The following SYT1 variants were observed in gnomAD, a reference collection of about 807,000 sequenced individuals.
The protein encoded by SYT1 is synaptotagmin 1.
A neutral mutation model predicts 44.8 loss-of-function variants in SYT1; 8 were observed. The observed-to-expected ratio is 0.18, with a 90% CI of 0.10 to 0.32. SYT1 has a LOEUF of 0.32. Ranked by LOEUF, SYT1 falls within the 10% of genes least tolerant of loss-of-function variation. The pLI is 1.00. For missense variants in SYT1, 286 were observed against 509.3 expected (o/e 0.56, Z 4.22); for synonymous variants, 154 against 188.8 (o/e 0.82, Z 1.51).
intron 3 of SYT1, among the ~76,000 whole-genome samples, chr12:79,061,607 G>A (rs1875393265): frequency 6.6e-6 from 1 of 152,116 alleles, no homozygotes; most frequent in South Asian, 2.1e-4. Flanking sequence ...GAATGGATGG[G>A]CATTTTTAAC....
At chr12:79,152,703 G>T (rs1870348385) in intron 3 of SYT1, among the ~76,000 whole-genome samples, 1 of 151,960 alleles carries the variant, frequency 6.6e-6, no homozygotes, top group African/African-American at 2.4e-5. Flanking sequence ...GAATATTAAT[G>T]GTTTAGAAGT....
intron 9 of SYT1, among the ~76,000 whole-genome samples, chr12:79,389,546 A>G (rs1884570891): frequency 6.6e-6 from 1 of 152,232 alleles, no homozygotes; most frequent in Non-Finnish European, 1.5e-5. Context: ...ATTATTTTAC[A>G]GAGGAGGAAA....
intron 1 of SYT1, among the ~76,000 whole-genome samples, chr12:78,920,635 G>C (rs1876931602): frequency 6.6e-6 from 1 of 151,792 alleles, no homozygotes; most frequent in Middle Eastern, 3.2e-3. Flanking sequence ...AATAGAAATA[G>C]CTCTTTAAAT....
chr12:79,092,981 T>C (rs1877881051), intron 3 of SYT1, among the ~76,000 whole-genome samples: 1 of 151,766 alleles, frequency 6.6e-6, no homozygotes, highest in African/African-American at 2.4e-5. Context: ...TATAAATTTC[T>C]AGAAATTTCA....
At chr12:79,421,915 G>A (rs1869146452) in intron 9 of SYT1, among the ~76,000 whole-genome samples, 1 of 151,812 alleles carries the variant, frequency 6.6e-6, no homozygotes, top group Non-Finnish European at 1.5e-5. Context: ...AAATTTCCTT[G>A]TGTGGTATTT....
intron 1 of SYT1, among the ~76,000 whole-genome samples, chr12:78,931,304 A>AGAGGG (rs1565723683): frequency 1.6e-5 from 1 of 63,062 alleles, no homozygotes; most frequent in Non-Finnish European, 3.2e-5. Flanking sequence ...GGAAGGAAGG[A>AGAGGG]AGGAGAGGGA....
chr12:79,291,187 T>C (rs1177899443), intron 5 of SYT1, among the ~76,000 whole-genome samples: 5 of 152,228 alleles, frequency 3.3e-5, no homozygotes, highest in Non-Finnish European at 7.3e-5. Context: ...AAGTTTTAGG[T>C]TATAAAGAGT....
In SYT1 at chr12:79,304,001, A is replaced by C. The variant is rs181337686; in HGVS notation, c.810+4450A>C. 5.3e-5 allele frequency among the ~76,000 whole-genome samples: 8 copies of C among 152,364 alleles called. No homozygotes were observed. The East Asian group carries it at 1.4e-3, about 26-fold the overall frequency. On this transcript the variant is annotated intron_variant, in intron 8 of 10. Transcript: ENST00000261205. Reference sequence around the variant, plus strand: ...GTTGGAATTTTAAACATGGATGCCAATAAGAACCTTCCTGGTCATTCATTC... The same window carrying C: ...GTTGGAATTTTAAACATGGATGCCACTAAGAACCTTCCTGGTCATTCATTC...
At chr12:79,113,048 A>G (rs1879098913) in intron 3 of SYT1, among the ~76,000 whole-genome samples, 1 of 152,168 alleles carries the variant, frequency 6.6e-6, no homozygotes, top group Non-Finnish European at 1.5e-5. Flanking sequence ...CTGAATGAAC[A>G]AGCCCAGATA....
intron 7 of SYT1, among the ~76,000 whole-genome samples, chr12:79,296,802 C>A (rs970875963): frequency 6.6e-6 from 1 of 152,110 alleles, no homozygotes; most frequent in Non-Finnish European, 1.5e-5. Context: ...CTTGTTGAGG[C>A]ACCTCAGTTG....
chr12:79,121,399 A>T (rs748448488), intron 3 of SYT1, among the ~76,000 whole-genome samples: 3 of 152,240 alleles, frequency 2.0e-5, no homozygotes, highest in Non-Finnish European at 4.4e-5. Context: ...TTCCTCTAAC[A>T]TCTTATGAAT....
intron 10 of SYT1, among the ~76,000 whole-genome samples, chr12:79,447,844 T>C (rs1870821792): frequency 6.6e-6 from 1 of 152,176 alleles, no homozygotes; most frequent in Non-Finnish European, 1.5e-5. Flanking sequence ...CTCATTTCAT[T>C]AATATAATAA....
intron 8 of SYT1, among the ~76,000 whole-genome samples, chr12:79,301,463 T>C (rs976406111): frequency 3.3e-5 from 5 of 152,166 alleles, no homozygotes; most frequent in African/African-American, 9.7e-5. Flanking sequence ...TCTAGGGGTT[T>C]AGGTAAACTG....
At chr12:78,946,444 C>A (rs1294306605) in intron 1 of SYT1, among the ~76,000 whole-genome samples, 1 of 152,090 alleles carries the variant, frequency 6.6e-6, no homozygotes, top group African/African-American at 2.4e-5. Flanking sequence ...CACTTGAGGT[C>A]AGGAGTTCAA....
At chr12:79,276,523 A>C (rs1487791526) in intron 4 of SYT1, among the ~76,000 whole-genome samples, 1 of 151,938 alleles carries the variant, frequency 6.6e-6, no homozygotes, top group Non-Finnish European at 1.5e-5. Context: ...TAAAAATACA[A>C]AAATTAGCTG....
chr12:79,296,217 A>G lies in SYT1; in HGVS notation c.623A>G (p.Asn208Ser), dbSNP rs1879867239. 2 of 1,612,250 alleles carry G rather than the reference A, an allele frequency of 1.2e-6. No homozygotes were observed. The highest frequency in any genetic ancestry group is 2.2e-5 in the East Asian group (1 of 44,864). The change falls in exon 7 of 11, where the codon AAT (asparagine) becomes AGT (serine). Residue 208 changes from asparagine to serine, a missense_variant. Around this residue, in one of 6 missense-constraint regions of SYT1, gnomAD observed 81 missense variants for 164.9 expected, o/e 0.49. Coordinates refer to ENST00000261205, the MANE Select transcript of SYT1 (RefSeq NM_005639.3). ...VHRKTLNPVF[N>S]EQFTFKVPYS... ...CGAAAAACCCTTAATCCTGTCTTCA[A>G]TGAGCAATTTACTTTCAAGGTATTT...
intron 9 of SYT1, among the ~76,000 whole-genome samples, chr12:79,358,835 A>C (rs190364225): frequency 6.6e-6 from 1 of 152,280 alleles, no homozygotes; most frequent in Admixed American, 6.5e-5. Context: ...ATTGTTGGAA[A>C]TGGAGGGATT....
chr12:79,015,929 T>A (rs1391121484), intron 2 of SYT1, among the ~76,000 whole-genome samples: 2 of 152,072 alleles, frequency 1.3e-5, no homozygotes, highest in Non-Finnish European at 2.9e-5. Context: ...GCACAGTGAG[T>A]CCACAGCAGA....
At chr12:78,869,035 A>T (rs762774371) in intron 1 of SYT1, 44 of 151,838 alleles carry the variant, frequency 2.9e-4, no homozygotes, top group Non-Finnish European at 6.0e-4. Context: ...AACATTCTTA[A>T]TTTTTTATGT....
Sources: gnomAD v4.1 joint callset for allele counts (sites outside exome capture counted in the v4.1 genomes callset) on GRCh38, gnomAD v4.1.1 for gene constraint, gnomAD v4.1.1 regional missense constraint, MANE v1.5 for transcripts, NCBI Gene and HGNC (gene_info 2026-07-23, HGNC 2026-07-21) for gene names.